DNASE1L3: variants seen among roughly 807,000 people sequenced by gnomAD.
DNASE1L3 encodes deoxyribonuclease gamma.
In DNASE1L3, 27 loss-of-function variants were observed where a neutral mutation model predicts 30.9. The ratio of observed to expected loss-of-function variants is 0.87; its 90% CI spans 0.64 to 1.20. The LOEUF (loss-of-function observed/expected upper bound fraction) is 1.20, where lower values mean the gene tolerates loss of function less well. Ranked by LOEUF, DNASE1L3 falls within the 50% of genes most tolerant of loss-of-function variation. The probability of loss-of-function intolerance (pLI) is 0.00; values close to 1 mark genes in which losing one functional copy is unlikely to be tolerated. For synonymous variants in DNASE1L3, 135 were observed against 138.0 expected (o/e 0.98, Z 0.15); for missense variants, 364 against 378.2 (o/e 0.96, Z 0.31).
chr3:58,201,508 T>C (rs1195193619), intron 4 of DNASE1L3, among the ~76,000 whole-genome samples: 2 of 152,264 alleles, frequency 1.3e-5, no homozygotes, highest in Non-Finnish European at 2.9e-5. Flanking sequence ...CTCTATCCTA[T>C]GTAGCTGTTA....
intron 4 of DNASE1L3, among the ~76,000 whole-genome samples, chr3:58,202,487 T>C (rs1479871464): frequency 1.6e-4 from 24 of 151,324 alleles, no homozygotes. Flanking sequence ...GAGTATAAAC[T>C]GACCCATCTC....
At position 58,201,184 on chromosome 3, in the gene DNASE1L3, A is replaced by G. The variant is rs4234389; in HGVS notation, c.434-75T>C. On this transcript the variant is annotated intron_variant, in intron 4 of 7. Transcript: ENST00000394549. ...TCATAAACACTGCTGGAGGGAAACC[A>G]GCTGTCCCCTCCAGAAGGCACAGGC... 0.72 allele frequency: 847,515 copies of G among 1,176,556 alleles called. 309,245 individuals carry two copies. Among genetic ancestry groups the G allele is most frequent in the East Asian group, 1 (38,813 of 38,856 alleles). 72.9% of individuals were successfully genotyped at this position (1,176,556 alleles called of 1,614,324 possible).
intron 4 of DNASE1L3, among the ~76,000 whole-genome samples, chr3:58,204,424 C>T (rs1427358892): frequency 2.0e-5 from 3 of 151,970 alleles, no homozygotes; most frequent in Non-Finnish European, 2.9e-5. Context: ...TACAGCCATG[C>T]GCCACCGCAC....
chr3:58,197,857 G>A lies in DNASE1L3; in HGVS notation c.668C>T (p.Thr223Ile). The A allele has an allele frequency of 1.2e-6, 2 of 1,614,178 alleles. No homozygotes were observed. The highest frequency in any genetic ancestry group is 1.7e-6 in the Non-Finnish European group (2 of 1,180,040). Residue 223 changes from threonine to isoleucine, a missense_variant, in exon 6 of 8, where the codon ACC (threonine) becomes ATC (isoleucine). Coordinates refer to ENST00000394549, the MANE Select transcript of DNASE1L3 (RefSeq NM_004944.4). The surrounding 1 kb of genome is among the most constrained non-coding windows in gnomAD (Gnocchi z 5.3). ...ACAGTTGGTGCTCTTCTTCACCGTG[G>A]TGTCCTCTTGGTCCCCGATCAGCCA... The part of the protein sequence containing the change: ...FVWLIGDQED[T>I]TVKKSTNCAY...
intron 2 of DNASE1L3, among the ~76,000 whole-genome samples, chr3:58,207,448 C>T (rs950990237): frequency 1.7e-4 from 9 of 51,688 alleles, no homozygotes; most frequent in East Asian, 2.7e-3. Context: ...CACACCCCCC[C>T]CCCCCCCACC....
rs530276498 is a variant in DNASE1L3 at position 58,210,581 on chromosome 3, T to C, written c.141+185A>G. 5.9e-5 allele frequency among the ~76,000 whole-genome samples: 9 copies of C among 152,322 alleles called. No individual in the cohort carries two copies. In the East Asian group the frequency reaches 1.5e-3, roughly 26 times the overall value. ...CCCCCAGCAACCCTGGAGGGAACCA[T>C]TGTTATCACCCCTGTTTTAAGATGA... On this transcript the variant is annotated intron_variant, in intron 1 of 7. Coordinates refer to ENST00000394549, the MANE Select transcript of DNASE1L3 (RefSeq NM_004944.4).
At chr3:58,205,028 A>G in intron 3 of DNASE1L3, 147 bp from the exon 4 acceptor site, 1 of 687,114 alleles carries the variant, frequency 1.5e-6, no homozygotes, top group Admixed American at 2.9e-5. Context: ...AGGCTAAGTC[A>G]ACTCTTCTCA....
rs543105467 is a variant in DNASE1L3, at chr3:58,209,832, C to A, written c.141+934G>T. 5.3e-5 allele frequency among the ~76,000 whole-genome samples: 8 copies of A among 152,320 alleles called. No individual in the cohort carries two copies. The South Asian group carries it at 1.7e-3, about 32-fold the overall frequency. On this transcript the variant is annotated intron_variant, in intron 1 of 7. Coordinates refer to ENST00000394549, the MANE Select transcript of DNASE1L3 (RefSeq NM_004944.4). Reference sequence around the variant, plus strand: ...TGGAATCTGGACCCAGGGCTCCTGGCCCCCCTACCACACCATGGTGTCTCA... The same window carrying A: ...TGGAATCTGGACCCAGGGCTCCTGGACCCCCTACCACACCATGGTGTCTCA...
At chr3:58,199,300 T>G (rs1036925677) in intron 5 of DNASE1L3, among the ~76,000 whole-genome samples, 18 of 152,114 alleles carry the variant, frequency 1.2e-4, no homozygotes, top group African/African-American at 4.3e-4. Context: ...CCCACTAACT[T>G]CTATAGAAAC....
intron 6 of DNASE1L3, among the ~76,000 whole-genome samples, chr3:58,194,310 C>T (rs2107366489): frequency 7.9e-6 from 1 of 127,002 alleles, no homozygotes; most frequent in Non-Finnish European, 1.6e-5. Flanking sequence ...ACCAGCACAA[C>T]TAACTTTTTT....
chr3:58,197,870 C>A lies in DNASE1L3; in HGVS notation c.655G>T (p.Asp219Tyr). Reference protein sequence around the residue: ...TDPRFVWLIGDQEDTTVKKST... With the variant: ...TDPRFVWLIGYQEDTTVKKST... ...TTCTTCACCGTGGTGTCCTCTTGGT[C>A]CCCGATCAGCCAAACAAACCTGGGG... Residue 219 changes from aspartate to tyrosine, a missense_variant, in exon 6 of 8, where the codon GAC becomes TAC. Asp to Tyr is a radical substitution (Grantham distance 160). Coordinates refer to ENST00000394549, the MANE Select transcript of DNASE1L3 (RefSeq NM_004944.4). This position sits in a 1 kb window ranked among gnomAD's most constrained non-coding sequence, Gnocchi z 5.3. The A allele has an allele frequency of 6.2e-7, 1 of 1,614,166 alleles. No individual in the cohort carries two copies. The highest frequency in any genetic ancestry group is 8.5e-7 in the Non-Finnish European group (1 of 1,180,034).
At chr3:58,199,146 G>A (rs574726507) in intron 5 of DNASE1L3, among the ~76,000 whole-genome samples, 1 of 152,310 alleles carries the variant, frequency 6.6e-6, no homozygotes, top group African/African-American at 2.4e-5. Context: ...TTCAGTTGAG[G>A]ACAGAGTGTC....
In DNASE1L3 at chr3:58,208,071, G is replaced by A. The variant is rs115250281; in HGVS notation, c.230+147C>T. 110 of 666,722 alleles carry A rather than the reference G, an allele frequency of 1.6e-4. No individual in the cohort carries two copies. The African/African-American group carries it at 1.8e-3, about 11-fold the overall frequency. 41.3% of individuals were successfully genotyped at this position (666,722 alleles called of 1,614,324 possible). A position where few individuals can be genotyped will look rare whatever the true frequency, so the allele number is the denominator to read the frequency against. ...CTGGTTGAAAGTTCTCAGGACCGTG[G>A]CTAAGGGAGCTGGACTCCTGGGCAA... On this transcript the variant is annotated intron_variant, in intron 2 of 7. Coordinates refer to ENST00000394549, the MANE Select transcript of DNASE1L3 (RefSeq NM_004944.4).
Position 58,192,514 on chromosome 3 carries a change from AAG to A in DNASE1L3, c.*171_*172del. The A allele has an allele frequency of 1.5e-6, 1 of 654,118 alleles. No individual in the cohort carries two copies. The highest frequency in any genetic ancestry group is 2.5e-6 in the Non-Finnish European group (1 of 398,322). The allele number at this position is 654,118 out of a possible 1,614,324, so 40.5% of individuals were successfully genotyped here. A position where few individuals can be genotyped will look rare whatever the true frequency, so the allele number is the denominator to read the frequency against. The stretch of plus-strand genomic sequence containing the variant: ...GACAATTCAGGGGAGGTATGAGACC[AAG>A]AGAGATACAAAAGATTCTCCTTCCA... On this transcript the variant is annotated 3_prime_UTR_variant, in exon 8 of 8. Transcript: ENST00000394549. The surrounding 1 kb of genome is among the most constrained non-coding windows in gnomAD (Gnocchi z 4.8).
intron 1 of DNASE1L3, among the ~76,000 whole-genome samples, chr3:58,209,836 C>G (rs948222203): frequency 4.6e-5 from 7 of 152,232 alleles, no homozygotes; most frequent in Non-Finnish European, 1.0e-4. Context: ...TCCTGGCCCC[C>G]CTACCACACC....
chr3:58,196,573 A>C (rs1447402439), intron 6 of DNASE1L3, among the ~76,000 whole-genome samples: 4 of 150,632 alleles, frequency 2.7e-5, no homozygotes, highest in Admixed American at 1.3e-4. Flanking sequence ...AAAAAAAAAA[A>C]AAAACTCCGA....
chr3:58,204,987 G>A (rs1169720367), intron 3 of DNASE1L3, 106 bp from the exon 4 acceptor site: 1 of 1,013,780 alleles, frequency 9.9e-7, no homozygotes, highest in Non-Finnish European at 1.5e-6. Flanking sequence ...GCCAGAGCAG[G>A]CTCAAGCACA....
chr3:58,198,705 C>T (rs2097398833), intron 5 of DNASE1L3, among the ~76,000 whole-genome samples: 1 of 152,218 alleles, frequency 6.6e-6, no homozygotes, highest in Non-Finnish European at 1.5e-5. Context: ...ATCTTTTGTC[C>T]CTGGCTCAAA....
intron 4 of DNASE1L3, among the ~76,000 whole-genome samples, chr3:58,203,952 T>G (rs1559758080): frequency 6.6e-6 from 1 of 152,080 alleles, no homozygotes; most frequent in Non-Finnish European, 1.5e-5. Flanking sequence ...CTCCCTACCT[T>G]GTAGTCATTG....
Sources: gnomAD v4.1 joint callset for allele counts (sites outside exome capture counted in the v4.1 genomes callset) on GRCh38, gnomAD v4.1.1 for gene constraint, Gnocchi (gnomAD v3.1) non-coding constraint, MANE v1.5 for transcripts, NCBI Gene and HGNC (gene_info 2026-07-23, HGNC 2026-07-21) for gene names.